ATRNL1: variants seen among roughly 807,000 people sequenced by gnomAD.
The protein encoded by ATRNL1 is attractin like 1, also known as attractin-like protein 1.
A neutral mutation model predicts 182.7 loss-of-function variants in ATRNL1; 95 were observed. The ratio of observed to expected loss-of-function variants is 0.52; its 90% CI spans 0.44 to 0.62. The LOEUF is 0.62. Among genes scored for constraint, ATRNL1 ranks in the 20% least tolerant of loss-of-function variants. The probability of loss-of-function intolerance (pLI) is 0.00; values close to 1 mark genes in which losing one functional copy is unlikely to be tolerated. For synonymous variants in ATRNL1, 576 were observed against 568.3 expected, an observed-to-expected ratio of 1.01 and a Z score of -0.19; for missense variants, 1,471 against 1,679.5, an observed-to-expected ratio of 0.88 and a Z score of 2.17.
At chr10:115,794,502 A>G (rs1360498471) in intron 27 of ATRNL1, among the ~76,000 whole-genome samples, 3 of 152,182 alleles carry the variant, frequency 2.0e-5, no homozygotes, top group Non-Finnish European at 4.4e-5. Context: ...TCCTCAGTAT[A>G]CAACAGTTTC....
At position 115,419,519 on chromosome 10, in the gene ATRNL1, T is replaced by C. The variant is rs575811276; in HGVS notation, c.3270-6731T>C. Reference sequence around the variant, plus strand: ...AAAAATATGACCAAACTATGCTGCCTACAGGAGACTTACTTTACGTATAAA... The same window carrying C: ...AAAAATATGACCAAACTATGCTGCCCACAGGAGACTTACTTTACGTATAAA... On this transcript the variant is annotated intron_variant, in intron 20 of 28. Transcript: ENST00000355044. Among the ~76,000 whole-genome samples the C allele has an allele frequency of 5.3e-4, 80 of 152,286 alleles. No homozygotes were observed. The South Asian group carries it at 7.7e-3, about 15-fold the overall frequency.
intron 26 of ATRNL1, among the ~76,000 whole-genome samples, chr10:115,574,512 A>C (rs1436241042): frequency 6.6e-6 from 1 of 152,176 alleles, no homozygotes; most frequent in South Asian, 2.1e-4. Flanking sequence ...ATTATCAAAA[A>C]TATTTAATAT....
At chr10:115,353,647 CTTCCTCTCTTCCTTTT>C (rs1432296459) in intron 19 of ATRNL1, among the ~76,000 whole-genome samples, 1 of 152,088 alleles carries the variant, frequency 6.6e-6, no homozygotes, top group Non-Finnish European at 1.5e-5. Context: ...CTCTTCCTTT[CTTCCTCTCTTCCTTTT>C]TAGATTAGTG....
chr10:115,135,277 T>C (rs1350419003), intron 5 of ATRNL1, among the ~76,000 whole-genome samples: 7 of 152,038 alleles, frequency 4.6e-5, no homozygotes, highest in Non-Finnish European at 1.0e-4. Flanking sequence ...GATTGTATAT[T>C]TAGAAAACCC....
At chr10:115,314,344 C>T (rs1002616969) in intron 17 of ATRNL1, among the ~76,000 whole-genome samples, 10 of 152,218 alleles carry the variant, frequency 6.6e-5, no homozygotes, top group Admixed American at 1.3e-4. Flanking sequence ...GCAGAGTCAA[C>T]GATATCAAGT....
Position 115,627,061 on chromosome 10 carries a change from A to G in ATRNL1, c.3795+77525A>G, listed in dbSNP as rs560925367. Among the ~76,000 whole-genome samples, 158 of 152,314 alleles carry G rather than the reference A, an allele frequency of 1.0e-3. 1 individual carries two copies. Among genetic ancestry groups the G allele is most frequent in the African/African-American group, 3.7e-3 (153 of 41,586 alleles). On this transcript the variant is annotated intron_variant, in intron 26 of 28. Coordinates refer to ENST00000355044, the MANE Select transcript of ATRNL1 (RefSeq NM_207303.4). ...GTGAGATAAAATTTGCAAAACTTGA[A>G]AATCAACCATTTTAAACAGCCCGGT...
At chr10:115,915,536 A>T (rs544185817) in intron 28 of ATRNL1, among the ~76,000 whole-genome samples, 1 of 152,326 alleles carries the variant, frequency 6.6e-6, no homozygotes, top group East Asian at 1.9e-4. Context: ...ATACATAGGT[A>T]TATATAAATA....
chr10:115,726,216 C>T (rs1311480654), intron 26 of ATRNL1, among the ~76,000 whole-genome samples: 4 of 152,114 alleles, frequency 2.6e-5, no homozygotes, highest in Non-Finnish European at 4.4e-5. Context: ...AGGACTACAT[C>T]CATTTACATT....
Position 115,160,064 on chromosome 10 carries a change from C to G in ATRNL1, c.854C>G (p.Pro285Arg). The G allele has an allele frequency of 6.2e-7, 1 of 1,606,282 alleles. No homozygotes were observed. Among genetic ancestry groups the G allele is most frequent in the Non-Finnish European group, 8.5e-7 (1 of 1,176,076 alleles). ...GGTCCTGATTGTTCTTTGAATGTTC[C>G]CTCTACTGAGTCTTACTGGATTCTG... Reference protein sequence around the residue: ...WQGPDCSLNVPSTESYWILPN... With the variant: ...WQGPDCSLNVRSTESYWILPN... The change falls in exon 6 of 29, where the codon CCC (proline) becomes CGC (arginine). Residue 285 changes from proline (P) to arginine (R), a missense_variant. By Grantham distance (103) the Pro-to-Arg change is moderately radical. This residue lies in a region of ATRNL1 where 1,031 missense variants were observed against 1,156.0 expected (regional missense o/e 0.89). Transcript: ENST00000355044.
intron 24 of ATRNL1, among the ~76,000 whole-genome samples, chr10:115,477,927 C>T (rs1228349203): frequency 1.3e-5 from 2 of 151,634 alleles, no homozygotes; most frequent in African/African-American, 2.4e-5. Flanking sequence ...TGTAGATATT[C>T]TTATCTTGCT....
intron 27 of ATRNL1, among the ~76,000 whole-genome samples, chr10:115,847,135 C>G (rs1456360474): frequency 6.6e-6 from 1 of 151,916 alleles, no homozygotes; most frequent in African/African-American, 2.4e-5. Context: ...CCAACCTGAT[C>G]TCACATTTAC....
At chr10:115,110,648 T>C (rs547216904) in intron 1 of ATRNL1, among the ~76,000 whole-genome samples, 9 of 152,344 alleles carry the variant, frequency 5.9e-5, no homozygotes, top group African/African-American at 2.2e-4. Flanking sequence ...TCTATGTTTA[T>C]GGTAATTTGT....
At chr10:115,386,212 T>C (rs782686760) in intron 19 of ATRNL1, among the ~76,000 whole-genome samples, 1 of 152,232 alleles carries the variant, frequency 6.6e-6, no homozygotes, top group Non-Finnish European at 1.5e-5. Context: ...TATTTAGATA[T>C]TTAAAAATCC....
chr10:115,842,624 A>G (rs1445735102), intron 27 of ATRNL1, among the ~76,000 whole-genome samples: 1 of 152,084 alleles, frequency 6.6e-6, no homozygotes, highest in Non-Finnish European at 1.5e-5. Context: ...CTAGTCAGAA[A>G]TGGGGTAGGT....
chr10:115,292,365 A>C (rs1852959462), intron 15 of ATRNL1, among the ~76,000 whole-genome samples: 2 of 150,512 alleles, frequency 1.3e-5, no homozygotes, highest in South Asian at 4.2e-4. Flanking sequence ...AAAGATCATG[A>C]TTGCCATGAT....
chr10:115,874,795 G>A (rs927302253), intron 28 of ATRNL1, among the ~76,000 whole-genome samples: 6 of 152,156 alleles, frequency 3.9e-5, no homozygotes, highest in Admixed American at 3.9e-4. Context: ...CTTTGGAAGT[G>A]GGAGGTTGCT....
Position 115,315,632 on chromosome 10 carries a change from G to A in ATRNL1, c.2933G>A (p.Arg978Gln), listed in dbSNP as rs140980345. Residue 978 changes from arginine (R) to glutamine (Q), a missense_variant, in exon 18 of 29, where the codon CGG (arginine) becomes CAG (glutamine). Arg to Gln is a conservative substitution (Grantham distance 43). This residue lies in a region of ATRNL1 where 437 missense variants were observed against 506.0 expected (regional missense o/e 0.86). Coordinates refer to ENST00000355044, the MANE Select transcript of ATRNL1 (RefSeq NM_207303.4). The part of the protein sequence containing the change: ...GRGHCIEGSS[R>Q]GPMKLIGMHH... ...GGACATTGCATTGAAGGTTCTTCAC[G>A]GGGACCAATGAAGCTTATTGGAATG... 1.3e-5 allele frequency: 21 copies of A among 1,613,670 alleles called. No individual in the cohort carries two copies. The highest frequency in any genetic ancestry group is 1.6e-4 in the Middle Eastern group (1 of 6,066).
chr10:115,741,296 G>A (rs1555067617), intron 27 of ATRNL1, among the ~76,000 whole-genome samples: 1 of 152,092 alleles, frequency 6.6e-6, no homozygotes, highest in Non-Finnish European at 1.5e-5. Context: ...CATTTATCTT[G>A]GGCTTTAAAG....
chr10:115,779,094 C>T (rs1949200217), intron 27 of ATRNL1, among the ~76,000 whole-genome samples: 1 of 152,170 alleles, frequency 6.6e-6, no homozygotes, highest in African/African-American at 2.4e-5. Flanking sequence ...GGGCAGATTG[C>T]TCCCAATGTC....
Sources: gnomAD v4.1 joint callset for allele counts (sites outside exome capture counted in the v4.1 genomes callset) on GRCh38, gnomAD v4.1.1 for gene constraint, gnomAD v4.1.1 regional missense constraint, MANE v1.5 for transcripts, NCBI Gene and HGNC (gene_info 2026-07-23, HGNC 2026-07-21) for gene names.